Variants in OVCH1 observed in about 807,000 individuals in gnomAD.
OVCH1 encodes ovochymase 1.
A neutral mutation model predicts 138.4 loss-of-function variants in OVCH1; 139 were observed. The ratio of observed to expected loss-of-function variants is 1.00; its 90% confidence interval spans 0.87 to 1.16. The LOEUF (loss-of-function observed/expected upper bound fraction) is 1.16. OVCH1 is among the 50% of genes most tolerant of loss of function. The pLI is 0.00. For synonymous variants in OVCH1, 453 were observed against 467.8 expected (o/e 0.97, Z 0.41); for missense variants, 1,367 against 1,357.9 (o/e 1.01, Z -0.11).
intron 3 of OVCH1, among the ~76,000 whole-genome samples, chr12:29,415,241 A>G (rs79848989): frequency 0.016 from 2,472 of 152,262 alleles, 40 homozygotes; most frequent in Middle Eastern, 0.027. Flanking sequence ...AAGATAAGAA[A>G]GTAAGGAAAG....
At chr12:29,494,944 T>A (rs1181791450) in intron 4 of OVCH1, among the ~76,000 whole-genome samples, 1 of 152,124 alleles carries the variant, frequency 6.6e-6, no homozygotes, top group African/African-American at 2.4e-5. Flanking sequence ...AAAAGATAAA[T>A]ATTTAAGGTA....
intron 16 of OVCH1, among the ~76,000 whole-genome samples, chr12:29,466,131 A>T (rs10843424): frequency 0.3 from 44,348 of 148,542 alleles, 8,456 homozygotes; most frequent in East Asian, 0.55. Flanking sequence ...TAGCATTAGG[A>T]GATATACCTA....
intron 16 of OVCH1, among the ~76,000 whole-genome samples, chr12:29,469,476 C>G (rs991176759): frequency 6.6e-6 from 1 of 152,058 alleles, no homozygotes; most frequent in African/African-American, 2.4e-5. Flanking sequence ...ATGAGCTGCC[C>G]TGAAGCAGCA....
intron 23 of OVCH1, 47 bp downstream of exon 23, chr12:29,445,231 T>C (rs903846077): frequency 1.3e-6 from 2 of 1,519,612 alleles, no homozygotes; most frequent in African/African-American, 2.8e-5. Context: ...AATAGAGTAA[T>C]ATTGATTTCT....
At chr12:29,412,152 C>T (rs532927820), downstream of OVCH1, among the ~76,000 whole-genome samples, 30 of 152,246 alleles carry the variant, frequency 2.0e-4, no homozygotes, top group Non-Finnish European at 4.3e-4. Context: ...TTTTTAAGCC[C>T]GTTGGAAAAG....
At chr12:29,435,393 G>A (rs1565569038) in intron 26 of OVCH1, among the ~76,000 whole-genome samples, 2 of 152,154 alleles carry the variant, frequency 1.3e-5, no homozygotes, top group Admixed American at 1.3e-4. Flanking sequence ...TTGAGACGGA[G>A]TCTCGCTCTG....
Position 29,435,735 on chromosome 12 carries a change from G to A in OVCH1, c.3265-1922C>T, listed in dbSNP as rs116271797. ...CCTAAGATTTCTAAAGCACCCCTCA[G>A]AAGATGATGTAATCTCATCTGGTTC... On this transcript the variant is annotated intron_variant, in intron 26 of 27. Coordinates refer to ENST00000318184, the Ensembl canonical transcript of OVCH1. Among the ~76,000 whole-genome samples the A allele has an allele frequency of 4.1e-3, 627 of 152,200 alleles. 4 individuals carry two copies. The highest frequency in any genetic ancestry group is 0.014 in the African/African-American group (575 of 41,536).
At position 29,471,949 on chromosome 12, in the gene OVCH1, C is replaced by T. The variant is rs772689255; in HGVS notation, c.1709G>A (p.Trp570Ter). ...CCCTCCTGCGATTCTTCTGGAAAGC[C>T]ACTGGGGACTAAATGGAGGGATGCC... Residue 570 changes from tryptophan (W) to a stop codon, truncating the protein, a stop_gained, in exon 16 of 28, where the codon TGG (tryptophan) becomes TAG (stop). Coordinates refer to ENST00000318184, the Ensembl canonical transcript of OVCH1. LOFTEE classifies it high-confidence loss of function. The T allele has an allele frequency of 1.8e-5, 29 of 1,612,944 alleles. No homozygotes were observed. Among genetic ancestry groups the T allele is most frequent in the Non-Finnish European group, 2.3e-5 (27 of 1,179,488 alleles).
intron 17 of OVCH1, 86 bp from the exon 18 acceptor site, chr12:29,464,788 A>G (rs1179305335): frequency 1.1e-5 from 13 of 1,174,020 alleles, no homozygotes; most frequent in Non-Finnish European, 1.6e-5. Flanking sequence ...AAATAATCCT[A>G]AATTTCTGCA....
chr12:29,470,207 A>AT (rs1443989427), intron 16 of OVCH1, among the ~76,000 whole-genome samples: 1 of 152,040 alleles, frequency 6.6e-6, no homozygotes, highest in Non-Finnish European at 1.5e-5. Context: ...TTAGCATAGT[A>AT]TTTTTTTCTC....
At chr12:29,488,615 C>A (rs1943182275) in intron 6 of OVCH1, among the ~76,000 whole-genome samples, 1 of 92,630 alleles carries the variant, frequency 1.1e-5, no homozygotes, top group Non-Finnish European at 2.0e-5. Flanking sequence ...AGTGAGACTC[C>A]ATCTCAAAAA....
At chr12:29,465,568 T>C (rs1942286895) in intron 16 of OVCH1, among the ~76,000 whole-genome samples, 1 of 152,170 alleles carries the variant, frequency 6.6e-6, no homozygotes, top group African/African-American at 2.4e-5. Context: ...CATCTGGCTC[T>C]ACTAACATGC....
At chr12:29,472,303 T>C (rs1430643973) in intron 15 of OVCH1, among the ~76,000 whole-genome samples, 1 of 152,162 alleles carries the variant, frequency 6.6e-6, no homozygotes, top group Non-Finnish European at 1.5e-5. Context: ...ATGATAAAAA[T>C]ACTGGCCCCC....
intron 3 of OVCH1, among the ~76,000 whole-genome samples, chr12:29,418,461 A>G (rs1941060632): frequency 6.6e-6 from 1 of 152,270 alleles, no homozygotes; most frequent in African/African-American, 2.4e-5. Flanking sequence ...AGATACTTCA[A>G]CTTTTAGAGA....
At chr12:29,491,156 T>C in exon 5 of OVCH1, 2 of 1,613,770 alleles carry the variant, frequency 1.2e-6, no homozygotes, top group Non-Finnish European at 1.7e-6. Context: ...AACTTTATCA[T>C]CGCTGTCAGG....
chr12:29,439,880 T>C (rs1011397527), intron 25 of OVCH1, among the ~76,000 whole-genome samples: 1 of 152,166 alleles, frequency 6.6e-6, no homozygotes, highest in Non-Finnish European at 1.5e-5. Flanking sequence ...TTACAAAGGA[T>C]ATAATTCAGG....
chr12:29,474,074 T>TACACACACACACATAC (rs1942613656), intron 14 of OVCH1, among the ~76,000 whole-genome samples: 1 of 145,192 alleles, frequency 6.9e-6, no homozygotes, highest in African/African-American at 2.5e-5. Context: ...CACACACACA[T>TACACACACACACATAC]ACACACACAC....
At chr12:29,444,391 A>G (rs1941562872) in intron 23 of OVCH1, 111 bp from the exon 24 acceptor site, 9 of 1,179,460 alleles carry the variant, frequency 7.6e-6, no homozygotes, top group Non-Finnish European at 1.0e-5. Flanking sequence ...GTCCTGGGAA[A>G]ACAAGTAATT....
At chr12:29,449,659 A>G (rs1330439717) in intron 22 of OVCH1, among the ~76,000 whole-genome samples, 1 of 152,046 alleles carries the variant, frequency 6.6e-6, no homozygotes, top group Non-Finnish European at 1.5e-5. Flanking sequence ...TTTGGCTGTT[A>G]TATTGGTGTA....
Sources: gnomAD v4.1 joint callset for allele counts (sites outside exome capture counted in the v4.1 genomes callset) on GRCh38, gnomAD v4.1.1 for gene constraint, MANE v1.5 for transcripts, NCBI Gene and HGNC (gene_info 2026-07-23, HGNC 2026-07-21) for gene names.